Variants in SUMF1 observed in about 807,000 individuals in gnomAD.
The protein encoded by SUMF1 is formylglycine-generating enzyme.
Under a neutral mutation model 47.6 loss-of-function variants are expected in SUMF1, and 48 were observed. That is an observed-to-expected ratio of 1.01 (90% CI 0.80 to 1.28). The LOEUF is 1.28. SUMF1 is among the 50% of genes most tolerant of loss of function. SUMF1 has a pLI of 0.00. For synonymous variants in SUMF1, 230 were observed against 192.1 expected, an observed-to-expected ratio of 1.20 and a Z score of -1.63; for missense variants, 571 against 485.4, an observed-to-expected ratio of 1.18 and a Z score of -1.66.
intron 8 of SUMF1, among the ~76,000 whole-genome samples, chr3:4,260,433 A>C (rs1407448956): frequency 6.6e-6 from 1 of 152,228 alleles, no homozygotes; most frequent in Non-Finnish European, 1.5e-5. Flanking sequence ...TAAAATTTTC[A>C]AATAAACAGA....
In SUMF1 at chr3:4,418,580, A is replaced by G. The variant is rs571375799; in HGVS notation, c.603-448T>C. ...CAGTGGCTCAACCTATGGGCCATAT[A>G]CACCCTAGAGGCCCCTGTGTTGGGT... is the stretch of plus-strand genomic sequence containing the variant. On this transcript the variant is annotated intron_variant, in intron 4 of 8. Coordinates refer to ENST00000272902, the MANE Select transcript of SUMF1 (RefSeq NM_182760.4). 1.7e-4 allele frequency among the ~76,000 whole-genome samples: 26 copies of G among 152,284 alleles called. No individual in the cohort carries two copies. In the South Asian group the frequency reaches 4.8e-3, roughly 28 times the overall value.
chr3:4,165,648 T>C (rs1247638320), intron 8 of SUMF1, among the ~76,000 whole-genome samples: 1 of 152,114 alleles, frequency 6.6e-6, no homozygotes, highest in African/African-American at 2.4e-5. Context: ...GATAGTATTG[T>C]AATTTATACT....
chr3:4,373,318 A>G (rs893704301), intron 8 of SUMF1, among the ~76,000 whole-genome samples: 2 of 152,206 alleles, frequency 1.3e-5, no homozygotes, highest in African/African-American at 4.8e-5. Flanking sequence ...ACCCAATGAA[A>G]GGCAGAGATT....
In SUMF1 at chr3:4,085,384, T is replaced by A. The variant is rs113577913; in HGVS notation, c.1015-16639A>T. ...GAATATAAATTTGGGGACCAGAGCTTAGACAATAGAGGTGAGGTTGAGAGC... is the reference window on the plus strand; with the variant it reads ...GAATATAAATTTGGGGACCAGAGCTAAGACAATAGAGGTGAGGTTGAGAGC... On this transcript the variant is annotated intron_variant and NMD_transcript_variant, in intron 8 of 12. Transcript: ENST00000448413. 7.7e-3 allele frequency among the ~76,000 whole-genome samples: 1,166 copies of A among 152,144 alleles called. 12 individuals carry two copies. The highest frequency in any genetic ancestry group is 0.027 in the African/African-American group (1,104 of 41,456).
intron 8 of SUMF1, among the ~76,000 whole-genome samples, chr3:4,222,888 G>A (rs933939635): frequency 5.3e-5 from 8 of 152,054 alleles, no homozygotes; most frequent in Non-Finnish European, 1.2e-4. Context: ...CACAGATAAC[G>A]AGTGATGTGC....
rs1010850741 is a variant in SUMF1, at chr3:4,060,838, T to C, written c.1191+7731A>G. On this transcript the variant is annotated intron_variant and NMD_transcript_variant, in intron 9 of 12. Transcript: ENST00000448413. ...AACCCTTGGGAAAGTGTTTGGCACA[T>C]AGTAAATAGCATTTGTTAAGTAAAT... is the stretch of plus-strand genomic sequence containing the variant. 2.0e-5 allele frequency among the ~76,000 whole-genome samples: 3 copies of C among 152,158 alleles called. 1 individual carries two copies. Among genetic ancestry groups the C allele is most frequent in the Non-Finnish European group, 2.9e-5 (2 of 68,008 alleles).
Position 4,420,087 on chromosome 3 carries a change from C to T in SUMF1, c.579G>A (p.Gly193=). Residue 193 remains glycine (G), a synonymous_variant, in exon 4 of 9, where the codon GGG becomes GGA. Transcript: ENST00000272902. The stretch of plus-strand genomic sequence containing the variant: ...ACCTGTGCAGAATAGTAGAGTCAGG[C>T]CCTTCTGGGTGTCTCCAGTTAGCGC... ...VKGANWRHPE[G]PDSTILHRPD... is the part of the protein sequence containing the mutation. The T allele has an allele frequency of 6.2e-7, 1 of 1,614,088 alleles. No homozygotes were observed.
At chr3:4,082,349 G>A (rs1276636258) in intron 8 of SUMF1, among the ~76,000 whole-genome samples, 3 of 151,924 alleles carry the variant, frequency 2.0e-5, no homozygotes, top group African/African-American at 7.3e-5. Flanking sequence ...GCACCCTGTG[G>A]TCCCAGCTAC....
At chr3:4,083,789 G>GATACAA (rs1012812199) in intron 8 of SUMF1, among the ~76,000 whole-genome samples, 2 of 144,564 alleles carry the variant, frequency 1.4e-5, no homozygotes, top group Non-Finnish European at 3.0e-5. Context: ...ATATTAATCA[G>GATACAA]ATACAAATAC....
chr3:4,467,159 A>T lies in SUMF1; in HGVS notation c.87T>A (p.Cys29Ter). The T allele has an allele frequency of 6.2e-7, 1 of 1,600,772 alleles. No individual in the cohort carries two copies. Among genetic ancestry groups the T allele is most frequent in the South Asian group, 1.1e-5 (1 of 89,128 alleles). Reference sequence around the variant, plus strand: ...CGGCCTCCTGGCTCCCTGCCGCTCCACACAGCAGCGAGAGCAGCAGCAGCA... The same window carrying T: ...CGGCCTCCTGGCTCCCTGCCGCTCCTCACAGCAGCGAGAGCAGCAGCAGCA... ...VLLLLLLSLL[C>*]GAAGSQEAGT... Residue 29 changes from cysteine to a stop codon, truncating the protein, a stop_gained, in exon 1 of 9, where the codon TGT (cysteine) becomes TGA (stop). Coordinates refer to ENST00000272902, the MANE Select transcript of SUMF1 (RefSeq NM_182760.4). LOFTEE classifies it high-confidence loss of function.
At chr3:4,173,668 G>A (rs1333264472) in intron 8 of SUMF1, among the ~76,000 whole-genome samples, 1 of 152,126 alleles carries the variant, frequency 6.6e-6, no homozygotes, top group Non-Finnish European at 1.5e-5. Flanking sequence ...AAAAAATGTG[G>A]CACATATACA....
At chr3:4,261,876 C>T (rs1185538575) in intron 8 of SUMF1, among the ~76,000 whole-genome samples, 2 of 152,198 alleles carry the variant, frequency 1.3e-5, no homozygotes, top group Non-Finnish European at 2.9e-5. Context: ...CCACAGCAAG[C>T]ATTCCATTCT....
At position 4,270,975 on chromosome 3, in the gene SUMF1, A is replaced by G. The variant is rs148163574; in HGVS notation, c.1014+105355T>C. On this transcript the variant is annotated intron_variant and NMD_transcript_variant, in intron 8 of 12. Coordinates refer to the SUMF1 transcript ENST00000448413. Reference sequence around the variant, plus strand: ...CAGTATGCTATTTGTGAAGGCAACAAAGAGAAAACACTTAAGTCTGAATAC... The same window carrying G: ...CAGTATGCTATTTGTGAAGGCAACAGAGAGAAAACACTTAAGTCTGAATAC... Among the ~76,000 whole-genome samples, 47 of 152,326 alleles carry G rather than the reference A, an allele frequency of 3.1e-4. 1 individual carries two copies. Among genetic ancestry groups the G allele is most frequent in the African/African-American group, 1.1e-3 (46 of 41,586 alleles).
chr3:4,045,562 T>A (rs957434170), intron 9 of SUMF1, among the ~76,000 whole-genome samples: 1 of 152,102 alleles, frequency 6.6e-6, no homozygotes, highest in Non-Finnish European at 1.5e-5. Context: ...AGGATGTGTA[T>A]GTAGAATTAC....
At chr3:4,146,025 C>T (rs183807461) in intron 8 of SUMF1, among the ~76,000 whole-genome samples, 79 of 152,284 alleles carry the variant, frequency 5.2e-4, no homozygotes, top group Non-Finnish European at 8.5e-4. Flanking sequence ...CTTGGTCTCA[C>T]TGTGAAGCCC....
intron 8 of SUMF1, among the ~76,000 whole-genome samples, chr3:4,273,009 T>C (rs1347075303): frequency 6.6e-6 from 1 of 151,748 alleles, no homozygotes; most frequent in Non-Finnish European, 1.5e-5. Flanking sequence ...CTGTGAGCTA[T>C]GATCATGCCA....
intron 8 of SUMF1, among the ~76,000 whole-genome samples, chr3:4,166,485 T>A (rs1208424118): frequency 6.6e-6 from 1 of 152,122 alleles, no homozygotes; most frequent in Non-Finnish European, 1.5e-5. Flanking sequence ...AAAAATTATA[T>A]CTTTCTAATT....
chr3:4,172,318 G>A (rs1202337942), intron 8 of SUMF1, among the ~76,000 whole-genome samples: 1 of 152,064 alleles, frequency 6.6e-6, no homozygotes, highest in Non-Finnish European at 1.5e-5. Flanking sequence ...GGAGAGACAT[G>A]CAGGAAATAT....
At position 4,287,007 on chromosome 3, in the gene SUMF1, T is replaced by C. The variant is rs73119314; in HGVS notation, c.1014+89323A>G. 3.1e-3 allele frequency among the ~76,000 whole-genome samples: 467 copies of C among 152,272 alleles called. 5 individuals are homozygous for C. The highest frequency in any genetic ancestry group is 0.01 in the African/African-American group (430 of 41,552). On this transcript the variant is annotated intron_variant and NMD_transcript_variant, in intron 8 of 12. Transcript: ENST00000448413. The stretch of plus-strand genomic sequence containing the variant: ...GGTGGTCTGCAATGTCAAAATTATT[T>C]TCATAATAATACTTAAGTGTCATTT...
Sources: allele counts gnomAD v4.1 joint callset (sites outside exome capture counted in the v4.1 genomes callset), GRCh38; gene constraint gnomAD v4.1.1; transcripts MANE v1.5; gene names NCBI Gene and HGNC (gene_info 2026-07-23, HGNC 2026-07-21).